Variants in MICAL2 observed in about 807,000 individuals in gnomAD.
MICAL2 encodes [F-actin]-monooxygenase MICAL2.
In MICAL2, 77 loss-of-function variants were observed where a neutral mutation model predicts 127.3. That is an observed-to-expected ratio of 0.60 (90% CI 0.50 to 0.73). The LOEUF (loss-of-function observed/expected upper bound fraction) is 0.73, where lower values mean the gene tolerates loss of function less well. MICAL2 is among the 30% of genes least tolerant of loss of function. The probability of loss-of-function intolerance (pLI) is 0.00; values close to 1 mark genes in which losing one functional copy is unlikely to be tolerated. For synonymous variants in MICAL2, 570 were observed against 551.1 expected, an observed-to-expected ratio of 1.03 and a Z score of -0.48; for missense variants, 1,351 against 1,434.4, an observed-to-expected ratio of 0.94 and a Z score of 0.94.
intron 2 of MICAL2, among the ~76,000 whole-genome samples, chr11:12,143,607 G>T (rs113525975): frequency 9.2e-5 from 14 of 152,278 alleles, no homozygotes; most frequent in African/African-American, 3.1e-4. Context: ...AATGGGGTGG[G>T]ACGGGCCACA....
chr11:12,160,114 G>A lies in MICAL2; in HGVS notation c.-77-1965G>A, dbSNP rs149061637. 7.5e-3 allele frequency among the ~76,000 whole-genome samples: 1,138 copies of A among 152,250 alleles called. 19 individuals are homozygous for A. The highest frequency in any genetic ancestry group is 0.026 in the African/African-American group (1,072 of 41,544). On this transcript the variant is annotated intron_variant, in intron 2 of 27. Transcript: ENST00000683283. ...GTGCCAGGCACCTCGGAAGCTCTCC[G>A]GGAAAGAGGGAAGGTCGGGTAGGGC...
intron 2 of MICAL2, among the ~76,000 whole-genome samples, chr11:12,158,310 T>C (rs779899086): frequency 3.3e-5 from 5 of 152,222 alleles, no homozygotes; most frequent in Non-Finnish European, 5.9e-5. Flanking sequence ...TAGTCTTGAA[T>C]GATGTTTCTT....
chr11:12,324,146 G>A (rs1864330785), intron 31 of MICAL2: 11 of 1,540,860 alleles, frequency 7.1e-6, no homozygotes, highest in Non-Finnish European at 8.7e-6. Flanking sequence ...AAGAGTTTTG[G>A]GGGTCTGCAT....
intron 16 of MICAL2, among the ~76,000 whole-genome samples, chr11:12,237,803 C>G (rs902322863): frequency 1.5e-4 from 23 of 152,340 alleles, no homozygotes; most frequent in Admixed American, 1.0e-3. Context: ...TCAGGGCCCA[C>G]CCCAGACCTA....
intron 32 of MICAL2, among the ~76,000 whole-genome samples, chr11:12,349,102 T>C (rs1939002663): frequency 1.3e-5 from 2 of 152,202 alleles, no homozygotes; most frequent in Admixed American, 1.3e-4. Context: ...ACAGCTTGTG[T>C]TCTCCTTTCA....
chr11:12,245,382 G>T (rs902996814), intron 21 of MICAL2, among the ~76,000 whole-genome samples: 3 of 152,230 alleles, frequency 2.0e-5, no homozygotes, highest in Admixed American at 6.5e-5. Context: ...TTGCATTAGT[G>T]AAAAATTAGA....
chr11:12,157,718 A>G (rs563314871), intron 2 of MICAL2, among the ~76,000 whole-genome samples: 1 of 152,048 alleles, frequency 6.6e-6, no homozygotes, highest in Admixed American at 6.5e-5. Flanking sequence ...AATCCTGACT[A>G]CGTTCTTTTG....
intron 2 of MICAL2, among the ~76,000 whole-genome samples, chr11:12,141,492 T>G (rs149099077): frequency 4.7e-4 from 72 of 152,290 alleles, no homozygotes; most frequent in African/African-American, 1.7e-3. Flanking sequence ...TCTTTGTAGC[T>G]TTGCCATCTC....
rs575519537 is a variant in MICAL2 at position 12,167,492 on chromosome 11, G to A, written c.264+5073G>A. Among the ~76,000 whole-genome samples the A allele has an allele frequency of 3.9e-5, 6 of 152,242 alleles. No homozygotes were observed. The South Asian group carries it at 6.2e-4, about 16-fold the overall frequency. On this transcript the variant is annotated intron_variant, in intron 3 of 27. Coordinates refer to ENST00000683283, the MANE Select transcript of MICAL2 (RefSeq NM_001282663.2). ...TGTTAGGGGTGGAAGGGGTGACACC[G>A]GGAGCAAAGACTGCTACCCCTTGGC...
chr11:12,192,474 A>G (rs1482766243), intron 3 of MICAL2, among the ~76,000 whole-genome samples: 1 of 152,178 alleles, frequency 6.6e-6, no homozygotes, highest in African/African-American at 2.4e-5. Context: ...GATTTCACTT[A>G]AACGATTTCT....
intron 29 of MICAL2, among the ~76,000 whole-genome samples, chr11:12,308,433 C>T (rs754909454): frequency 2.6e-5 from 4 of 152,136 alleles, no homozygotes; most frequent in Non-Finnish European, 4.4e-5. Context: ...GTTTCTTTCA[C>T]TTTAATTTAG....
At chr11:12,311,589 A>G (rs1358491941) in intron 29 of MICAL2, among the ~76,000 whole-genome samples, 1 of 152,064 alleles carries the variant, frequency 6.6e-6, no homozygotes, top group East Asian at 1.9e-4. Context: ...TTTCTTAGAG[A>G]CAGCGTTTCA....
At chr11:12,304,637 AACACAC>A (rs57280679) in intron 29 of MICAL2, among the ~76,000 whole-genome samples, 42,527 of 128,596 alleles carry the variant, frequency 0.33, 7,766 homozygotes, top group Non-Finnish European at 0.42. Context: ...CTCTGTCTCA[AACACAC>A]ACACACACAC....
chr11:12,115,538 C>G (rs1849938639), intron 1 of MICAL2, among the ~76,000 whole-genome samples: 1 of 151,964 alleles, frequency 6.6e-6, no homozygotes, highest in South Asian at 2.1e-4. Context: ...AGGCTGGTCT[C>G]AAACTCCTGA....
downstream of MICAL2, chr11:12,293,888 G>T: frequency 6.2e-7 from 1 of 1,610,908 alleles, no homozygotes. Flanking sequence ...GGCTGGAGAA[G>T]ACCGGGAAAA....
chr11:12,234,978 C>T (rs549306305), intron 15 of MICAL2, among the ~76,000 whole-genome samples: 10 of 152,302 alleles, frequency 6.6e-5, no homozygotes, highest in African/African-American at 2.4e-4. Flanking sequence ...TAATATGGGC[C>T]TGCGATGGAA....
At chr11:12,158,336 A>C (rs1470037803) in intron 2 of MICAL2, among the ~76,000 whole-genome samples, 1 of 152,160 alleles carries the variant, frequency 6.6e-6, no homozygotes, top group Non-Finnish European at 1.5e-5. Context: ...CTTCCTTTTG[A>C]TATGATGATG....
In MICAL2 at chr11:12,261,183, GC is replaced by G. The variant is rs1863065877; in HGVS notation, c.3334+1289del. ...AGGCTATTGCTGGGAAGCGTGGCCT[GC>G]CCAGTGAGCATTGCCTGTGGACATC... On this transcript the variant is annotated intron_variant, in intron 26 of 27. Transcript: ENST00000683283. 4 of 985,390 alleles carry G rather than the reference GC, an allele frequency of 4.1e-6. No homozygotes were observed. In the South Asian group the frequency reaches 1.9e-4, roughly 46 times the overall value. 61.0% of individuals were successfully genotyped at this position (985,390 alleles called of 1,614,324 possible).
At chr11:12,260,020 A>G in intron 26 of MICAL2, 123 bp downstream of exon 26, 1 of 1,548,460 alleles carries the variant, frequency 6.5e-7, no homozygotes, top group Non-Finnish European at 8.7e-7. Flanking sequence ...CAATGCTTAC[A>G]ACTACTGCTA....
Sources: allele counts gnomAD v4.1 joint callset (sites outside exome capture counted in the v4.1 genomes callset), GRCh38; gene constraint gnomAD v4.1.1; transcripts MANE v1.5; gene names NCBI Gene and HGNC (gene_info 2026-07-23, HGNC 2026-07-21).